Variants in SMCHD1 observed in about 807,000 individuals in gnomAD.
SMCHD1 encodes structural maintenance of chromosomes flexible hinge domain-containing protein 1.
Under a neutral mutation model 254.7 loss-of-function variants are expected in SMCHD1, and 78 were observed. That is an observed-to-expected ratio of 0.31 (90% CI 0.26 to 0.37). The LOEUF is 0.37. Among genes scored for constraint, SMCHD1 ranks in the 10% least tolerant of loss-of-function variants. The pLI is 1.00. For missense variants in SMCHD1, 1,840 were observed against 2,408.1 expected (o/e 0.76, Z 4.94); for synonymous variants, 766 against 794.9 (o/e 0.96, Z 0.61).
chr18:2,751,140 C>T (rs954925187), intron 32 of SMCHD1, 138 bp from the exon 33 acceptor site: 20 of 553,772 alleles, frequency 3.6e-5, no homozygotes, highest in African/African-American at 3.3e-4. Flanking sequence ...TACATTTCTT[C>T]ATCAGAATTG....
At chr18:2,668,139 C>T (rs1187094097) in intron 3 of SMCHD1, among the ~76,000 whole-genome samples, 1 of 152,184 alleles carries the variant, frequency 6.6e-6, no homozygotes, top group Non-Finnish European at 1.5e-5. Flanking sequence ...CTCGGCCTCC[C>T]AAAGTGCTGG....
intron 5 of SMCHD1, among the ~76,000 whole-genome samples, chr18:2,681,206 A>G (rs1382840485): frequency 6.6e-6 from 1 of 152,120 alleles, no homozygotes; most frequent in Non-Finnish European, 1.5e-5. Context: ...TGAGGTCAGG[A>G]GTTCAAGACC....
In SMCHD1 at chr18:2,754,735, C is replaced by T. The variant is rs143041217; in HGVS notation, c.4346+2183C>T. ...TGAAATCTAAACTCACAGATGTCTGCGAAGGGCCCATCTTGCAAGCAGACA... is the reference window on the plus strand; with the variant it reads ...TGAAATCTAAACTCACAGATGTCTGTGAAGGGCCCATCTTGCAAGCAGACA... On this transcript the variant is annotated intron_variant, in intron 34 of 47. Transcript: ENST00000320876. Among the ~76,000 whole-genome samples, 110 of 152,120 alleles carry T rather than the reference C, an allele frequency of 7.2e-4. 1 individual carries two copies. The East Asian group carries it at 0.016, about 22-fold the overall frequency.
chr18:2,658,849 TG>T (rs2013636017), intron 1 of SMCHD1, among the ~76,000 whole-genome samples: 1 of 151,070 alleles, frequency 6.6e-6, no homozygotes, highest in Non-Finnish European at 1.5e-5. Context: ...TATATGTATA[TG>T]TATATATACA....
intron 45 of SMCHD1, among the ~76,000 whole-genome samples, chr18:2,787,469 G>A (rs1369454342): frequency 6.6e-6 from 1 of 152,140 alleles, no homozygotes; most frequent in Non-Finnish European, 1.5e-5. Flanking sequence ...GGTGGGAAGA[G>A]GAGTCATACT....
In SMCHD1 at chr18:2,804,102, T is replaced by C. The variant is rs2076409316; in HGVS notation, c.*1550T>C. The stretch of plus-strand genomic sequence containing the variant: ...CATTAGATTATATGAAAATGATTGA[T>C]TGATAGGTAAGAAAGGTTAAAGAGA... On this transcript the variant is annotated 3_prime_UTR_variant, in exon 48 of 48. Transcript: ENST00000320876. The C allele has an allele frequency of 6.6e-6, 1 of 152,170 alleles. No individual in the cohort carries two copies. Among genetic ancestry groups the C allele is most frequent in the South Asian group, 2.1e-4 (1 of 4,836 alleles). 9.4% of individuals were successfully genotyped at this position (152,170 alleles called of 1,614,324 possible).
intron 17 of SMCHD1, among the ~76,000 whole-genome samples, chr18:2,711,521 C>G (rs1173382353): frequency 8.2e-6 from 1 of 122,398 alleles, no homozygotes; most frequent in Non-Finnish European, 1.6e-5. Context: ...CTCGCTCTGT[C>G]GCCCAGGCTG....
chr18:2,752,901 T>C (rs1220013852), intron 34 of SMCHD1: 1 of 192,372 alleles, frequency 5.2e-6, no homozygotes, highest in East Asian at 1.7e-4. Flanking sequence ...ATGTTGCTGC[T>C]TCATTCTGGA....
intron 5 of SMCHD1, among the ~76,000 whole-genome samples, chr18:2,674,503 ATGTGGTTCT>A (rs1335667323): frequency 6.6e-6 from 1 of 152,186 alleles, no homozygotes; most frequent in Non-Finnish European, 1.5e-5. Context: ...CTAAAATTGC[ATGTGGTTCT>A]GTGGAGCTCA....
chr18:2,717,272 A>T (rs2074822144), intron 17 of SMCHD1, among the ~76,000 whole-genome samples: 1 of 152,174 alleles, frequency 6.6e-6, no homozygotes, highest in Non-Finnish European at 1.5e-5. Context: ...CCCTTCTCAC[A>T]CAGAGGATTC....
chr18:2,777,693 A>G lies in SMCHD1; in HGVS notation c.5367-113A>G. The G allele has an allele frequency of 5.2e-6, 3 of 572,588 alleles. No homozygotes were observed. The South Asian group carries it at 7.7e-5, about 15-fold the overall frequency. 35.5% of individuals were successfully genotyped at this position (572,588 alleles called of 1,614,324 possible). A position where few individuals can be genotyped will look rare whatever the true frequency, so the allele number is the denominator to read the frequency against. On this transcript the variant is annotated intron_variant, in intron 42 of 47. Coordinates refer to ENST00000320876, the MANE Select transcript of SMCHD1 (RefSeq NM_015295.3). ...AAGTATCACTTGTGGTGGATTGGGA[A>G]TTGATTGTATGATCAAAATGATGTG...
intron 17 of SMCHD1, among the ~76,000 whole-genome samples, chr18:2,709,608 T>TC (rs1168849612): frequency 1.3e-5 from 2 of 151,972 alleles, no homozygotes; most frequent in Non-Finnish European, 2.9e-5. Flanking sequence ...TGTGGTTTTT[T>TC]CCCCCCTTTT....
At chr18:2,799,901 A>T (rs2076328996) in intron 47 of SMCHD1, among the ~76,000 whole-genome samples, 1 of 151,882 alleles carries the variant, frequency 6.6e-6, no homozygotes, top group Non-Finnish European at 1.5e-5. Context: ...TCCATTATTT[A>T]TTGGATTCCA....
chr18:2,752,432 C>T, intron 33 of SMCHD1, 56 bp from the exon 34 acceptor site: 1 of 1,113,772 alleles, frequency 9.0e-7, no homozygotes, highest in Admixed American at 1.7e-5. Context: ...CCTAAGTATA[C>T]TATGTTAAAT....
chr18:2,795,870 T>C (rs1197934871), intron 45 of SMCHD1, 79 bp from the exon 46 acceptor site: 1 of 1,218,942 alleles, frequency 8.2e-7, no homozygotes, highest in Non-Finnish European at 1.1e-6. Flanking sequence ...CAAATTCCAG[T>C]GTTGCTCATT....
intron 25 of SMCHD1, among the ~76,000 whole-genome samples, chr18:2,733,481 T>A (rs2075182441): frequency 6.6e-6 from 1 of 152,172 alleles, no homozygotes; most frequent in African/African-American, 2.4e-5. Flanking sequence ...TATCTGAAAG[T>A]GAGGGGAAAG....
At chr18:2,791,247 T>G (rs2076159816) in intron 45 of SMCHD1, among the ~76,000 whole-genome samples, 1 of 152,134 alleles carries the variant, frequency 6.6e-6, no homozygotes, top group Non-Finnish European at 1.5e-5. Flanking sequence ...GAACAGAGAC[T>G]TCTGCTTCTC....
chr18:2,717,483 C>T (rs1418926035), intron 17 of SMCHD1, among the ~76,000 whole-genome samples: 6 of 152,228 alleles, frequency 3.9e-5, no homozygotes, highest in East Asian at 1.9e-4. Flanking sequence ...ACTGCTTAGC[C>T]GGACCATGCC....
intron 20 of SMCHD1, among the ~76,000 whole-genome samples, chr18:2,723,307 T>C (rs566655497): frequency 6.6e-6 from 1 of 152,238 alleles, no homozygotes; most frequent in Non-Finnish European, 1.5e-5. Context: ...AGATACTCTG[T>C]TGTCTCTAGC....
Sources: gnomAD v4.1 joint callset for allele counts (sites outside exome capture counted in the v4.1 genomes callset) on GRCh38, gnomAD v4.1.1 for gene constraint, MANE v1.5 for transcripts, NCBI Gene and HGNC (gene_info 2026-07-23, HGNC 2026-07-21) for gene names.